SLC44A5: variants seen among roughly 807,000 people sequenced by gnomAD.
SLC44A5 encodes choline transporter-like protein 5.
In SLC44A5, 57 loss-of-function variants were observed where a neutral mutation model predicts 101.8. The observed-to-expected ratio is 0.56, with a 90% CI of 0.45 to 0.70. The LOEUF (loss-of-function observed/expected upper bound fraction) is 0.70. Ranked by LOEUF, SLC44A5 falls within the 30% of genes least tolerant of loss-of-function variation. The pLI, the probability that SLC44A5 is intolerant of heterozygous loss-of-function variation, is 0.00. For synonymous variants in SLC44A5, 281 were observed against 290.9 expected (o/e 0.97, Z 0.35); for missense variants, 737 against 853.1 (o/e 0.86, Z 1.70).
intron 1 of SLC44A5, among the ~76,000 whole-genome samples, chr1:75,566,866 T>C (rs1461284280): frequency 6.6e-6 from 1 of 152,222 alleles, no homozygotes; most frequent in African/African-American, 2.4e-5. Flanking sequence ...ATACGTATTA[T>C]CAGTATCTGT....
intron 4 of SLC44A5, among the ~76,000 whole-genome samples, chr1:75,318,032 T>G (rs1343044983): frequency 6.6e-6 from 1 of 152,174 alleles, no homozygotes. Context: ...CCATCCCTCT[T>G]GCATACAGTA....
chr1:75,289,972 C>A (rs1335713446), intron 5 of SLC44A5, among the ~76,000 whole-genome samples: 7 of 152,228 alleles, frequency 4.6e-5, no homozygotes, highest in Non-Finnish European at 5.9e-5. Flanking sequence ...TCTCACGTAG[C>A]TGCTTAGTGA....
chr1:75,452,048 A>G (rs1665936650), intron 2 of SLC44A5, among the ~76,000 whole-genome samples: 1 of 152,214 alleles, frequency 6.6e-6, no homozygotes, highest in African/African-American at 2.4e-5. Flanking sequence ...AAATCCAGAG[A>G]ACACCAGTAA....
intron 3 of SLC44A5, among the ~76,000 whole-genome samples, chr1:75,394,221 A>T (rs1370792074): frequency 6.6e-6 from 1 of 152,088 alleles, no homozygotes; most frequent in Non-Finnish European, 1.5e-5. Context: ...AGCATGCTAA[A>T]TGCTGCTGAG....
At chr1:75,353,098 G>A (rs1209148342) in intron 3 of SLC44A5, among the ~76,000 whole-genome samples, 1 of 151,954 alleles carries the variant, frequency 6.6e-6, no homozygotes, top group Non-Finnish European at 1.5e-5. Context: ...GATTCATATG[G>A]CCATATGTAT....
At chr1:75,686,462 A>C in the SLC44A5 span, among the ~76,000 whole-genome samples, 1 of 152,226 alleles carries the variant, frequency 6.6e-6, no homozygotes, top group Non-Finnish European at 1.5e-5. Context: ...AAAGGTCAAT[A>C]AGTACGGAAG....
chr1:75,291,779 AGGC>A (rs1653564688), intron 5 of SLC44A5, among the ~76,000 whole-genome samples: 1 of 152,140 alleles, frequency 6.6e-6, no homozygotes, highest in Non-Finnish European at 1.5e-5. Flanking sequence ...TGGGAGGCCA[AGGC>A]GGGTGGATCA....
At chr1:75,667,753 G>A in the SLC44A5 span, among the ~76,000 whole-genome samples, 23 of 152,302 alleles carry the variant, frequency 1.5e-4, no homozygotes, top group Admixed American at 5.2e-4. Context: ...GCCGAACTAA[G>A]AGGAGGACTT....
intron 3 of SLC44A5, among the ~76,000 whole-genome samples, chr1:75,367,747 T>A (rs1659956855): frequency 1.3e-5 from 2 of 152,192 alleles, no homozygotes. Context: ...AAGGTCACCA[T>A]CAGTGAGCCT....
the SLC44A5 span, among the ~76,000 whole-genome samples, chr1:75,617,454 T>C: frequency 5.9e-5 from 9 of 152,236 alleles, no homozygotes; most frequent in African/African-American, 2.2e-4. Flanking sequence ...TCAATCTCTC[T>C]GCTCTTCTGT....
chr1:75,524,652 A>G (rs1156498154), intron 2 of SLC44A5, among the ~76,000 whole-genome samples: 1 of 152,226 alleles, frequency 6.6e-6, no homozygotes, highest in Non-Finnish European at 1.5e-5. Context: ...CCTGGTTATA[A>G]GAGAATGCGA....
At chr1:75,572,880 TGGGA>T (rs1557921155) in intron 1 of SLC44A5, among the ~76,000 whole-genome samples, 1 of 151,894 alleles carries the variant, frequency 6.6e-6, no homozygotes, top group Non-Finnish European at 1.5e-5. Flanking sequence ...ACCAGCACTT[TGGGA>T]GGCTAAGGCA....
At chr1:75,674,112 C>T in the SLC44A5 span, among the ~76,000 whole-genome samples, 1 of 151,970 alleles carries the variant, frequency 6.6e-6, no homozygotes, top group South Asian at 2.1e-4. Flanking sequence ...ATATGACCTT[C>T]CAGACAGAGA....
intron 3 of SLC44A5, among the ~76,000 whole-genome samples, chr1:75,358,884 A>T (rs2101104754): frequency 6.6e-6 from 1 of 152,262 alleles, no homozygotes; most frequent in Admixed American, 6.5e-5. Flanking sequence ...TGAGATATAC[A>T]ATGTATTATT....
At position 75,539,698 on chromosome 1, in the gene SLC44A5, G is replaced by A. The variant is rs79313646; in HGVS notation, c.13+1737C>T. On this transcript the variant is annotated intron_variant, in intron 2 of 23. Transcript: ENST00000370859. ...AAGGAATCTGACTCATAAATGCTAC[G>A]GAGAAAGTCATTCATTAACTTAAGG... Among the ~76,000 whole-genome samples, 1,212 of 152,228 alleles carry A rather than the reference G, an allele frequency of 8.0e-3. 26 individuals are homozygous for A. The highest frequency in any genetic ancestry group is 0.028 in the African/African-American group (1,158 of 41,546).
intron 2 of SLC44A5, among the ~76,000 whole-genome samples, chr1:75,461,480 T>A (rs1489858488): frequency 6.6e-6 from 1 of 152,188 alleles, no homozygotes; most frequent in Non-Finnish European, 1.5e-5. Context: ...ACATTAGATA[T>A]ATTTAATTGT....
intron 12 of SLC44A5, among the ~76,000 whole-genome samples, chr1:75,233,675 T>C (rs527615297): frequency 6.6e-6 from 1 of 152,282 alleles, no homozygotes; most frequent in South Asian, 2.1e-4. Context: ...AGAAGTTGTC[T>C]GAAATGTTTT....
chr1:75,301,373 C>A (rs1457338625), intron 4 of SLC44A5, among the ~76,000 whole-genome samples: 1 of 152,156 alleles, frequency 6.6e-6, no homozygotes, highest in Non-Finnish European at 1.5e-5. Flanking sequence ...AAAGTATTTT[C>A]TATTCCCAAT....
At chr1:75,647,840 G>A in the SLC44A5 span, among the ~76,000 whole-genome samples, 12 of 152,172 alleles carry the variant, frequency 7.9e-5, 1 homozygote, top group African/African-American at 2.4e-5. Context: ...TAACTAACTC[G>A]CTTTTGATTT....
Sources: allele counts gnomAD v4.1 joint callset (sites outside exome capture counted in the v4.1 genomes callset), GRCh38; gene constraint gnomAD v4.1.1; transcripts MANE v1.5; gene names NCBI Gene and HGNC (gene_info 2026-07-23, HGNC 2026-07-21).